LZTS3: variants seen among roughly 807,000 people sequenced by gnomAD.
LZTS3 encodes leucine zipper tumor suppressor family member 3, also known as leucine zipper putative tumor suppressor 3.
LZTS3 carries 16 observed loss-of-function variants against 50.9 expected under a neutral mutation model. The ratio of observed to expected loss-of-function variants is 0.31; its 90% CI spans 0.21 to 0.48. LZTS3 has a LOEUF of 0.48. LZTS3 is among the 20% of genes least tolerant of loss of function. The probability of loss-of-function intolerance (pLI) is 0.99; values close to 1 mark genes in which losing one functional copy is unlikely to be tolerated. For missense variants in LZTS3, 816 were observed against 931.0 expected (o/e 0.88, Z 1.61); for synonymous variants, 408 against 410.6 (o/e 0.99, Z 0.08).
chr20:3,165,543 T>C lies in LZTS3; in HGVS notation c.1277A>G (p.Lys426Arg), dbSNP rs1204024320. 3 of 1,576,118 alleles carry C rather than the reference T, an allele frequency of 1.9e-6. No individual in the cohort carries two copies. The African/African-American group carries it at 4.0e-5, about 21-fold the overall frequency. ...ELEDKVAACQKEQADFLPRIE... is the reference protein window; with the variant it reads ...ELEDKVAACQREQADFLPRIE... ...CCGGGGCAGGAAGTCGGCCTGCTCC[T>C]TCTGGCAGGCGGCCACCTTGTCCTC... is the stretch of plus-strand genomic sequence containing the variant. Residue 426 changes from lysine (K) to arginine (R), a missense_variant, in exon 4 of 5, where the codon AAG becomes AGG. Coordinates refer to ENST00000337576, the MANE Select transcript of LZTS3 (RefSeq NM_001365618.1). The surrounding 1 kb of genome is among the most constrained non-coding windows in gnomAD (Gnocchi z 5.0).
Position 3,164,858 on chromosome 20 carries a change from C to T in LZTS3, c.1618G>A (p.Glu540Lys), listed in dbSNP as rs866832042. The T allele has an allele frequency of 1.3e-6, 2 of 1,556,690 alleles. No individual in the cohort carries two copies. The highest frequency in any genetic ancestry group is 1.7e-6 in the Non-Finnish European group (2 of 1,157,366). The change falls in exon 5 of 5, where the codon GAG (glutamate) becomes AAG (lysine). Residue 540 changes from glutamate (E) to lysine (K), a missense_variant. Physicochemically the swap from Glu to Lys is moderately conservative, Grantham distance 56. Coordinates refer to ENST00000337576, the MANE Select transcript of LZTS3 (RefSeq NM_001365618.1). The part of the protein sequence containing the change: ...QDALATCESD[E>K]AKMRRQAGVA... ...CCGGCCTGACGGCGCATCTTAGCCT[C>T]GTCGCTCTCGCAGGTGGCCAGAGCA...
chr20:3,165,536 C>T lies in LZTS3; in HGVS notation c.1284G>A (p.Gln428=), dbSNP rs2066800232. The change falls in exon 4 of 5, where the codon CAG becomes CAA. Residue 428 remains glutamine (Q), a synonymous_variant. Coordinates refer to ENST00000337576, the MANE Select transcript of LZTS3 (RefSeq NM_001365618.1). This position sits in a 1 kb window ranked among gnomAD's most constrained non-coding sequence, Gnocchi z 5.0. ...EDKVAACQKE[Q]ADFLPRIEET... The stretch of plus-strand genomic sequence containing the variant: ...CCTCTATCCGGGGCAGGAAGTCGGC[C>T]TGCTCCTTCTGGCAGGCGGCCACCT... The T allele has an allele frequency of 6.4e-7, 1 of 1,571,486 alleles. No homozygotes were observed. The highest frequency in any genetic ancestry group is 1.7e-5 in the Admixed American group (1 of 57,886).
Position 3,166,883 on chromosome 20 carries a change from G to T in LZTS3, c.281C>A (p.Ala94Asp), listed in dbSNP as rs201027353. ...CTCACCATTGAGGTAGAGGGAGTTG[G>T]CGAGACCCTTGTCCTCTGAGGGGTA... ...GRYPSEDKGL[A>D]NSLYLNGELR... Residue 94 changes from alanine to aspartate, a missense_variant, in exon 3 of 5, where the codon GCC becomes GAC. Transcript: ENST00000337576. The T allele has an allele frequency of 6.2e-7, 1 of 1,613,592 alleles. No homozygotes were observed. Among genetic ancestry groups the T allele is most frequent in the Non-Finnish European group, 8.5e-7 (1 of 1,180,024 alleles).
chr20:3,162,749 C>G lies in LZTS3; in HGVS notation c.*1705G>C, dbSNP rs527734222. On this transcript the variant is annotated 3_prime_UTR_variant, in exon 5 of 5. Transcript: ENST00000337576. The surrounding 1 kb of genome is among the most constrained non-coding windows in gnomAD (Gnocchi z 5.0). ...TCTTTTGTGGTTGGACGTCCCAAAG[C>G]TGAGTCTGTTCATATTTTTTTCTAT... The G allele has an allele frequency of 2.6e-5, 4 of 152,300 alleles. No homozygotes were observed. Among genetic ancestry groups the G allele is most frequent in the Admixed American group, 1.3e-4 (2 of 15,296 alleles). The allele number at this position is 152,300 out of a possible 1,614,324, so 9.4% of individuals were successfully genotyped here. A position where few individuals can be genotyped will look rare whatever the true frequency, so the allele number is the denominator to read the frequency against.
In LZTS3 at chr20:3,167,166, C is replaced by G; in HGVS notation, c.-3G>C. 3 of 1,470,244 alleles carry G rather than the reference C, an allele frequency of 2.0e-6. No homozygotes were observed. The highest frequency in any genetic ancestry group is 2.7e-6 in the Non-Finnish European group (3 of 1,115,968). 91.1% of individuals were successfully genotyped at this position (1,470,244 alleles called of 1,614,324 possible). A position where few individuals can be genotyped will look rare whatever the true frequency, so the allele number is the denominator to read the frequency against. Reference sequence around the variant, plus strand: ...GGCAGCGTCTCCAGCTTCGCCATGACTAAGCCAGGGGGGCACTGTGGGCAC... The same window carrying G: ...GGCAGCGTCTCCAGCTTCGCCATGAGTAAGCCAGGGGGGCACTGTGGGCAC... On this transcript the variant is annotated 5_prime_UTR_variant, in exon 3 of 5. Transcript: ENST00000337576.
chr20:3,166,636 G>A (rs1405130162), intron 3 of LZTS3, 69 bp downstream of exon 3: 27 of 1,554,270 alleles, frequency 1.7e-5, no homozygotes, highest in Non-Finnish European at 2.3e-5. Flanking sequence ...GGCCCACTTT[G>A]CCTTCCTCTC....
Position 3,167,057 on chromosome 20 carries a change from GC to G in LZTS3, c.106del (p.Ala36ProfsTer17). On this transcript the variant is annotated frameshift_variant, in exon 3 of 5. Transcript: ENST00000337576. LOFTEE classifies it high-confidence loss of function. Reference protein sequence around the residue: ...SELGPPDPRLAMGSVGSGVAH... With the variant: ...SELGPPDPRLXMGSVGSGVAH... ...CACCCCACTGCCCACGCTGCCCATG[GC>G]CAGGCGGGGGTCCGGGGGTCCAAGC... 1 of 1,563,932 alleles carries G rather than the reference GC, an allele frequency of 6.4e-7. No individual in the cohort carries two copies. The highest frequency in any genetic ancestry group is 8.6e-7 in the Non-Finnish European group (1 of 1,158,162).
In LZTS3 at chr20:3,164,487, G is replaced by A. The variant is rs1367691297; in HGVS notation, c.1989C>T (p.Ser663=). 2 of 1,567,322 alleles carry A rather than the reference G, an allele frequency of 1.3e-6. No homozygotes were observed. The highest frequency in any genetic ancestry group is 1.7e-6 in the Non-Finnish European group (2 of 1,154,378). Residue 663 remains serine (S), a synonymous_variant, in exon 5 of 5, where the codon TCC becomes TCT. Coordinates refer to ENST00000337576, the MANE Select transcript of LZTS3 (RefSeq NM_001365618.1). ...CTGTGGACTCAATGCGCTCGAGGCGGGAGGGGGTCCAGGCCTTCTTCTCCT... is the reference window on the plus strand; with the variant it reads ...CTGTGGACTCAATGCGCTCGAGGCGAGAGGGGGTCCAGGCCTTCTTCTCCT... ...HGEEKKAWTP[S]RLERIESTEI is the part of the protein sequence containing the mutation.
At position 3,166,884 on chromosome 20, in the gene LZTS3, C is replaced by G. The variant is rs545635836; in HGVS notation, c.280G>C (p.Ala94Pro). 8.1e-6 allele frequency: 13 copies of G among 1,613,522 alleles called. No homozygotes were observed. The highest frequency in any genetic ancestry group is 1.7e-5 in the Admixed American group (1 of 60,012). The change falls in exon 3 of 5, where the codon GCC (alanine) becomes CCC (proline). Residue 94 changes from alanine (A) to proline (P), a missense_variant. Around this residue, in one of 3 missense-constraint regions of LZTS3, gnomAD observed 700 missense variants for 769.4 expected, o/e 0.91. Coordinates refer to ENST00000337576, the MANE Select transcript of LZTS3 (RefSeq NM_001365618.1). ...TCACCATTGAGGTAGAGGGAGTTGGCGAGACCCTTGTCCTCTGAGGGGTAG... is the reference window on the plus strand; with the variant it reads ...TCACCATTGAGGTAGAGGGAGTTGGGGAGACCCTTGTCCTCTGAGGGGTAG... ...GRYPSEDKGL[A>P]NSLYLNGELR...
intron 3 of LZTS3, 85 bp from the exon 4 acceptor site, chr20:3,166,445 A>G: frequency 6.9e-7 from 1 of 1,458,584 alleles, no homozygotes; most frequent in Non-Finnish European, 9.1e-7. Context: ...AGACTTGTCC[A>G]GCCCCACCTC....
chr20:3,166,377 AG>A lies in LZTS3; in HGVS notation c.460-18del. Reference sequence around the variant, plus strand: ...TTCTGAGCACTGCAGGAAACGCAGGAGGGGGCTGGGGGTCAGGATGAGGCCT... The same window carrying A: ...TTCTGAGCACTGCAGGAAACGCAGGAGGGGCTGGGGGTCAGGATGAGGCCT... On this transcript the variant is annotated intron_variant, in intron 3 of 4. Coordinates refer to ENST00000337576, the MANE Select transcript of LZTS3 (RefSeq NM_001365618.1). 1 of 1,585,310 alleles carries A rather than the reference AG, an allele frequency of 6.3e-7. No individual in the cohort carries two copies. Among genetic ancestry groups the A allele is most frequent in the East Asian group, 2.2e-5 (1 of 44,712 alleles).
chr20:3,172,041 A>C (rs2066908656), intron 1 of LZTS3, among the ~76,000 whole-genome samples: 1 of 151,976 alleles, frequency 6.6e-6, no homozygotes, highest in South Asian at 2.1e-4. Flanking sequence ...AGCCCATTCT[A>C]TCTCCTAAAA....
chr20:3,167,463 G>C, intron 2 of LZTS3: 1 of 758,332 alleles, frequency 1.3e-6, no homozygotes, highest in Non-Finnish European at 1.6e-6. Context: ...TCAGCTCAGC[G>C]TTCCATTCCT....
chr20:3,170,984 A>AG (rs924197837), intron 1 of LZTS3, among the ~76,000 whole-genome samples: 2 of 152,142 alleles, frequency 1.3e-5, no homozygotes, highest in Non-Finnish European at 2.9e-5. Flanking sequence ...TAATATGCTG[A>AG]GGGAAGTTGC....
rs754254187 is a variant in LZTS3 at position 3,166,117 on chromosome 20, T to C, written c.703A>G (p.Ser235Gly). 1.2e-6 allele frequency: 2 copies of C among 1,612,806 alleles called. No individual in the cohort carries two copies. Among genetic ancestry groups the C allele is most frequent in the Admixed American group, 3.3e-5 (2 of 59,988 alleles). ...TSLPTYSSSYSQHLAPLSAST... is the reference protein window; with the variant it reads ...TSLPTYSSSYGQHLAPLSAST... ...GCACTGAGGGGTGCCAGGTGCTGGCTGTAGCTGGAGCTGTAGGTGGGCAGG... is the reference window on the plus strand; with the variant it reads ...GCACTGAGGGGTGCCAGGTGCTGGCCGTAGCTGGAGCTGTAGGTGGGCAGG... Residue 235 changes from serine (S) to glycine (G), a missense_variant, in exon 4 of 5, where the codon AGC becomes GGC. Ser to Gly is a moderately conservative substitution (Grantham distance 56, BLOSUM62 0). This residue lies in a region of LZTS3 where 700 missense variants were observed against 769.4 expected (regional missense o/e 0.91). Coordinates refer to ENST00000337576, the MANE Select transcript of LZTS3 (RefSeq NM_001365618.1).
chr20:3,165,392 T>TCCCCCC lies in LZTS3; in HGVS notation c.1323+99_1323+104dup, dbSNP rs201973300. On this transcript the variant is annotated intron_variant, in intron 4 of 4. Coordinates refer to ENST00000337576, the MANE Select transcript of LZTS3 (RefSeq NM_001365618.1). The surrounding 1 kb of genome is among the most constrained non-coding windows in gnomAD (Gnocchi z 5.0). ...ATTTTTGTCCCCCCTGCTCCTTTCA[T>TCCCCCC]CCCCCCCCCCATCCCACCGTTATGA... 5 of 832,472 alleles carry TCCCCCC rather than the reference T, an allele frequency of 6.0e-6. No individual in the cohort carries two copies. In the African/African-American group the frequency reaches 8.2e-5, roughly 14 times the overall value. 51.6% of individuals were successfully genotyped at this position (832,472 alleles called of 1,614,324 possible).
Position 3,167,061 on chromosome 20 carries a change from G to C in LZTS3, c.103C>G (p.Leu35Val), listed in dbSNP as rs2066838742. 6.4e-7 allele frequency: 1 copy of C among 1,562,424 alleles called. No homozygotes were observed. Among genetic ancestry groups the C allele is most frequent in the Non-Finnish European group, 8.6e-7 (1 of 1,157,192 alleles). Residue 35 changes from leucine (L) to valine (V), a missense_variant, in exon 3 of 5, where the codon CTG becomes GTG. Physicochemically the swap from Leu to Val is conservative, Grantham distance 32 (BLOSUM62 1). Coordinates refer to ENST00000337576, the MANE Select transcript of LZTS3 (RefSeq NM_001365618.1). The part of the protein sequence containing the change: ...PSELGPPDPR[L>V]AMGSVGSGVA... The stretch of plus-strand genomic sequence containing the variant: ...CCACTGCCCACGCTGCCCATGGCCA[G>C]GCGGGGGTCCGGGGGTCCAAGCTCG...
chr20:3,170,311 G>A lies in LZTS3; in HGVS notation c.-242-2350C>T, dbSNP rs376726817. 3.5e-3 allele frequency among the ~76,000 whole-genome samples: 532 copies of A among 151,998 alleles called. 1 individual carries two copies. The highest frequency in any genetic ancestry group is 0.012 in the African/African-American group (501 of 41,390). Reference sequence around the variant, plus strand: ...TCGAGACCAGCCTGGCCAACGTGGTGAAACCCCGTCTCTACTAAAAATACA... The same window carrying A: ...TCGAGACCAGCCTGGCCAACGTGGTAAAACCCCGTCTCTACTAAAAATACA... On this transcript the variant is annotated intron_variant, in intron 1 of 4. Transcript: ENST00000337576.
At chr20:3,171,575 G>T (rs1055340268) in intron 1 of LZTS3, among the ~76,000 whole-genome samples, 3 of 150,772 alleles carry the variant, frequency 2.0e-5, no homozygotes, top group African/African-American at 7.3e-5. Context: ...TGAGGCATGA[G>T]AATCGCTTGA....
Sources: gnomAD v4.1 joint callset for allele counts (sites outside exome capture counted in the v4.1 genomes callset) on GRCh38, gnomAD v4.1.1 for gene constraint, gnomAD v4.1.1 regional missense constraint, Gnocchi (gnomAD v3.1) non-coding constraint, MANE v1.5 for transcripts, NCBI Gene and HGNC (gene_info 2026-07-23, HGNC 2026-07-21) for gene names.